Variants in NTRK3 observed in about 807,000 individuals in gnomAD.
The protein encoded by NTRK3 is neurotrophic receptor tyrosine kinase 3.
A neutral mutation model predicts 91.7 loss-of-function variants in NTRK3; 24 were observed. The observed-to-expected ratio is 0.26, with a 90% CI of 0.19 to 0.37. The LOEUF is 0.37. Among genes scored for constraint, NTRK3 ranks in the 10% least tolerant of loss-of-function variants. The probability of loss-of-function intolerance (pLI) is 1.00; values close to 1 mark genes in which losing one functional copy is unlikely to be tolerated. For missense variants in NTRK3, 880 were observed against 1,068.9 expected, an observed-to-expected ratio of 0.82 and a Z score of 2.46; for synonymous variants, 483 against 404.0, an observed-to-expected ratio of 1.20 and a Z score of -2.34.
exon 19 of NTRK3, chr15:87,867,789 T>C: frequency 4.4e-6 from 1 of 227,758 alleles, no homozygotes; most frequent in Middle Eastern, 1.3e-3. Flanking sequence ...ACTTCACATT[T>C]ATATTTGCAC....
rs33997931 is a variant in NTRK3, at chr15:88,030,420, T to C, written c.1585+2437A>G. On this transcript the variant is annotated intron_variant, in intron 14 of 18. Transcript: ENST00000394480. ...TCCCAGGCTTCCATGGGGACACTTA[T>C]TCTGAAGGCCCAGAGGAAACTTGCC... 2.4e-3 allele frequency among the ~76,000 whole-genome samples: 370 copies of C among 152,258 alleles called. 3 individuals are homozygous for C. The highest frequency in any genetic ancestry group is 8.4e-3 in the African/African-American group (350 of 41,540).
intron 13 of NTRK3, among the ~76,000 whole-genome samples, chr15:88,075,838 T>C (rs2047497250): frequency 1.3e-5 from 2 of 152,222 alleles, no homozygotes; most frequent in South Asian, 4.1e-4. Flanking sequence ...TTGCTGACCA[T>C]GTGCCTGGGG....
chr15:88,188,779 C>T (rs1316598390), intron 3 of NTRK3, among the ~76,000 whole-genome samples: 1 of 152,238 alleles, frequency 6.6e-6, no homozygotes, highest in Non-Finnish European at 1.5e-5. Flanking sequence ...GACCGTGGCC[C>T]AAGCCAGGCT....
chr15:88,191,313 G>A (rs535117537), intron 3 of NTRK3, among the ~76,000 whole-genome samples: 7 of 152,116 alleles, frequency 4.6e-5, no homozygotes, highest in Admixed American at 2.0e-4. Flanking sequence ...TCAGCCTACC[G>A]AGTAGCTGGG....
chr15:88,033,092 C>T (rs767300836), intron 13 of NTRK3, 47 bp from the exon 14 acceptor site: 1 of 1,534,180 alleles, frequency 6.5e-7, no homozygotes, highest in South Asian at 1.2e-5. Flanking sequence ...TCACATCCGG[C>T]CAGTTTCCAG....
intron 17 of NTRK3, among the ~76,000 whole-genome samples, chr15:87,925,081 A>G (rs2068179159): frequency 6.6e-6 from 1 of 152,186 alleles, no homozygotes; most frequent in African/African-American, 2.4e-5. Flanking sequence ...ATATAATGGT[A>G]CCCAAAGCCT....
intron 3 of NTRK3, among the ~76,000 whole-genome samples, chr15:88,198,494 T>C (rs965828103): frequency 1.3e-5 from 2 of 152,182 alleles, no homozygotes; most frequent in African/African-American, 4.8e-5. Context: ...CCAGTCACAG[T>C]CACTCAGTGA....
At chr15:88,028,785 T>C (rs1031842835) in intron 14 of NTRK3, among the ~76,000 whole-genome samples, 16 of 151,516 alleles carry the variant, frequency 1.1e-4, no homozygotes, top group Admixed American at 3.3e-4. Flanking sequence ...CAACCAAGAG[T>C]ATGGGTGTGG....
chr15:87,910,321 A>G (rs1402217717), intron 17 of NTRK3, among the ~76,000 whole-genome samples: 3 of 152,202 alleles, frequency 2.0e-5, no homozygotes, highest in Non-Finnish European at 4.4e-5. Flanking sequence ...ACGTGCAAAG[A>G]AAAAGTGGCA....
At chr15:88,163,568 C>A (rs2044661222) in intron 5 of NTRK3, among the ~76,000 whole-genome samples, 1 of 152,330 alleles carries the variant, frequency 6.6e-6, no homozygotes, top group South Asian at 2.1e-4. Context: ...AAAACGACAG[C>A]TTTTCCCTCT....
chr15:88,078,416 G>A (rs187775494), intron 13 of NTRK3, among the ~76,000 whole-genome samples: 56 of 152,326 alleles, frequency 3.7e-4, no homozygotes, highest in African/African-American at 1.2e-3. Context: ...GGCACTTCGG[G>A]AGGCCTAGGA....
exon 19 of NTRK3, chr15:87,859,913 C>A (rs1049301182): frequency 5.4e-6 from 1 of 185,052 alleles, no homozygotes; most frequent in East Asian, 8.7e-5. Flanking sequence ...GTATTTACAA[C>A]TCTCACTTAT....
intron 13 of NTRK3, among the ~76,000 whole-genome samples, chr15:88,097,958 C>T (rs977333925): frequency 6.6e-6 from 1 of 152,150 alleles, no homozygotes; most frequent in African/African-American, 2.4e-5. Flanking sequence ...ACCAAGAAAA[C>T]GACTATCTTC....
rs2052262951 is a variant in NTRK3, at chr15:88,240,681, T to A, written c.248+15225A>T. Among the ~76,000 whole-genome samples, 1 of 152,170 alleles carries A rather than the reference T, an allele frequency of 6.6e-6. No individual in the cohort carries two copies. The highest frequency in any genetic ancestry group is 2.1e-4 in the South Asian group (1 of 4,828). On this transcript the variant is annotated intron_variant, in intron 3 of 18. Transcript: ENST00000394480. The surrounding 1 kb of genome is among the most constrained non-coding windows in gnomAD (Gnocchi z 4.9). Reference sequence around the variant, plus strand: ...GCTACTTAGCCACCCTGTGCCTCAGTTTTCTCCCCTGTAAAATGAGGATGA... The same window carrying A: ...GCTACTTAGCCACCCTGTGCCTCAGATTTCTCCCCTGTAAAATGAGGATGA...
At chr15:88,114,457 G>A (rs2051810206) in intron 13 of NTRK3, among the ~76,000 whole-genome samples, 1 of 152,078 alleles carries the variant, frequency 6.6e-6, no homozygotes, top group Non-Finnish European at 1.5e-5. Flanking sequence ...AAACTGCTTG[G>A]AGTCTTTTCT....
chr15:87,916,675 G>C (rs2067470550), intron 17 of NTRK3: 1 of 674,534 alleles, frequency 1.5e-6, no homozygotes, highest in Admixed American at 2.2e-5. Flanking sequence ...GGCAGGATTA[G>C]GGGGCTAAAT....
chr15:88,077,773 C>T (rs747756181), intron 13 of NTRK3, among the ~76,000 whole-genome samples: 1 of 152,182 alleles, frequency 6.6e-6, no homozygotes, highest in Admixed American at 6.5e-5. Context: ...TGGGATGTGG[C>T]CCCGTTTCCT....
chr15:88,052,084 G>A (rs1163059846), intron 13 of NTRK3, among the ~76,000 whole-genome samples: 1 of 152,188 alleles, frequency 6.6e-6, no homozygotes, highest in Non-Finnish European at 1.5e-5. Context: ...AATGTTAAAG[G>A]ACAACCCTGT....
At chr15:88,070,037 G>A (rs752268759) in intron 13 of NTRK3, among the ~76,000 whole-genome samples, 2 of 152,180 alleles carry the variant, frequency 1.3e-5, no homozygotes, top group African/African-American at 2.4e-5. Context: ...TCTCACAGCT[G>A]TTTCTTTTTG....
Sources: allele counts gnomAD v4.1 joint callset (sites outside exome capture counted in the v4.1 genomes callset), GRCh38; gene constraint gnomAD v4.1.1; non-coding constraint Gnocchi (gnomAD v3.1); transcripts MANE v1.5; gene names NCBI Gene and HGNC (gene_info 2026-07-23, HGNC 2026-07-21).